CEP63: variants seen among roughly 807,000 people sequenced by gnomAD.
The protein encoded by CEP63 is centrosomal protein 63, also known as centrosomal protein of 63 kDa.
CEP63 carries 84 observed loss-of-function variants against 89.1 expected under a neutral mutation model. That is an observed-to-expected ratio of 0.94 (90% CI 0.79 to 1.13). The LOEUF is 1.13. Among genes scored for constraint, CEP63 ranks in the 50% most tolerant of loss-of-function variants. The probability of loss-of-function intolerance (pLI) is 0.00; values close to 1 mark genes in which losing one functional copy is unlikely to be tolerated. For missense variants in CEP63, 838 were observed against 813.3 expected, an observed-to-expected ratio of 1.03 and a Z score of -0.37; for synonymous variants, 267 against 272.5, an observed-to-expected ratio of 0.98 and a Z score of 0.20.
At chr3:134,577,285 G>T (rs1012812919), downstream of CEP63, among the ~76,000 whole-genome samples, 1 of 152,030 alleles carries the variant, frequency 6.6e-6, no homozygotes, top group South Asian at 2.1e-4. Flanking sequence ...GTGACCCTGG[G>T]TTAGGCAAAG....
chr3:134,489,399 T>G (rs1356030460), intron 1 of CEP63, among the ~76,000 whole-genome samples: 1 of 152,142 alleles, frequency 6.6e-6, no homozygotes, highest in Non-Finnish European at 1.5e-5. Context: ...GATAATTTCA[T>G]AGGTAATGCA....
chr3:134,523,459 T>C (rs575601394), intron 3 of CEP63, among the ~76,000 whole-genome samples: 2 of 152,304 alleles, frequency 1.3e-5, no homozygotes, highest in Non-Finnish European at 2.9e-5. Flanking sequence ...GTGAAATCTT[T>C]GTCTGTTTCC....
At chr3:134,515,314 G>A (rs1945977447) in intron 3 of CEP63, among the ~76,000 whole-genome samples, 1 of 152,140 alleles carries the variant, frequency 6.6e-6, no homozygotes, top group Admixed American at 6.5e-5. Flanking sequence ...GTAACAAGAT[G>A]AAAGCTTTAA....
chr3:134,582,718 G>T (rs1369326401), intron 10 of CEP63, among the ~76,000 whole-genome samples: 2 of 152,094 alleles, frequency 1.3e-5, no homozygotes, highest in African/African-American at 4.8e-5. Flanking sequence ...TGGGTCAAAT[G>T]GTATTTCTAG....
the CEP63 span, among the ~76,000 whole-genome samples, chr3:134,733,337 G>A: frequency 6.7e-6 from 1 of 149,804 alleles, no homozygotes; most frequent in Admixed American, 6.7e-5. Context: ...CCTGAGACAT[G>A]TATTAGTAAA....
intron 2 of CEP63, among the ~76,000 whole-genome samples, chr3:134,495,566 T>C (rs1396720127): frequency 1.3e-5 from 2 of 152,160 alleles, no homozygotes; most frequent in Non-Finnish European, 2.9e-5. Context: ...ATATAGTAAA[T>C]TTTTAAAGTT....
the CEP63 span, among the ~76,000 whole-genome samples, chr3:134,729,365 T>G: frequency 1.3e-5 from 2 of 152,210 alleles, no homozygotes; most frequent in African/African-American, 4.8e-5. Context: ...ACATACTGTT[T>G]CCCATCTTTC....
chr3:134,518,522 A>G (rs1030139161), intron 3 of CEP63, among the ~76,000 whole-genome samples: 4 of 152,226 alleles, frequency 2.6e-5, no homozygotes, highest in South Asian at 2.1e-4. Context: ...AAATTAAGCA[A>G]TACACTTCTA....
intron 1 of CEP63, among the ~76,000 whole-genome samples, chr3:134,493,536 G>GA (rs1371413288): frequency 6.6e-6 from 1 of 151,566 alleles, no homozygotes; most frequent in Admixed American, 6.6e-5. Flanking sequence ...AAACCAACTA[G>GA]AAAAAAAATC....
chr3:134,489,012 G>A (rs576018046), intron 1 of CEP63, among the ~76,000 whole-genome samples: 2 of 152,016 alleles, frequency 1.3e-5, no homozygotes, highest in South Asian at 2.1e-4. Context: ...AAAATTAGCC[G>A]GGCGTGGTGG....
the CEP63 span, among the ~76,000 whole-genome samples, chr3:134,686,798 A>G: frequency 6.6e-6 from 1 of 152,216 alleles, no homozygotes; most frequent in Admixed American, 6.5e-5. Context: ...GAGTAAAGCA[A>G]TATCATTGAC....
chr3:134,704,147 C>G, the CEP63 span, among the ~76,000 whole-genome samples: 1 of 152,220 alleles, frequency 6.6e-6, no homozygotes. Flanking sequence ...GTGTTTTAGT[C>G]TGAAATGCCT....
chr3:134,659,849 C>T, the CEP63 span, among the ~76,000 whole-genome samples: 10 of 152,216 alleles, frequency 6.6e-5, no homozygotes, highest in African/African-American at 2.4e-4. Flanking sequence ...GCAGGAGTTG[C>T]CCAGTGGCCT....
At chr3:134,760,417 T>C in the CEP63 span, among the ~76,000 whole-genome samples, 1 of 152,162 alleles carries the variant, frequency 6.6e-6, no homozygotes. Flanking sequence ...GGGACCTTTA[T>C]CTCCATTCTT....
Position 134,549,942 on chromosome 3 carries a change from A to G in CEP63, c.1183-121A>G, listed in dbSNP as rs934345431. 1.0e-5 allele frequency: 8 copies of G among 796,436 alleles called. No individual in the cohort carries two copies. In the African/African-American group the frequency reaches 1.4e-4, roughly 14 times the overall value. The allele number at this position is 796,436 out of a possible 1,614,324, so 49.3% of individuals were successfully genotyped here. Reference sequence around the variant, plus strand: ...AATTGCTAATTTTTCTGCAGATTTAATTTAAGAGAAATTTAATGTCTTGAG... The same window carrying G: ...AATTGCTAATTTTTCTGCAGATTTAGTTTAAGAGAAATTTAATGTCTTGAG... On this transcript the variant is annotated intron_variant, in intron 10 of 14. Coordinates refer to ENST00000675561, the MANE Select transcript of CEP63 (RefSeq NM_001353108.3).
chr3:134,748,425 TG>T, the CEP63 span, among the ~76,000 whole-genome samples: 1 of 151,994 alleles, frequency 6.6e-6, no homozygotes, highest in Non-Finnish European at 1.5e-5. Context: ...CTTGGAGTTT[TG>T]TTTTTTTTTT....
intron 3 of CEP63, among the ~76,000 whole-genome samples, chr3:134,528,249 C>A (rs1455308260): frequency 6.6e-6 from 1 of 152,114 alleles, no homozygotes; most frequent in African/African-American, 2.4e-5. Flanking sequence ...TCAGTGACCC[C>A]CTCTGAAGAT....
At chr3:134,716,835 A>T in the CEP63 span, among the ~76,000 whole-genome samples, 1 of 152,192 alleles carries the variant, frequency 6.6e-6, no homozygotes, top group African/African-American at 2.4e-5. Context: ...TTAGTTACTT[A>T]CAGGGAGAAT....
chr3:134,606,885 A>G, the CEP63 span: 1 of 978,928 alleles, frequency 1.0e-6, no homozygotes, highest in Non-Finnish European at 1.2e-6. Context: ...CCCCTTATCT[A>G]GGTGCCCTCT....
Sources: allele counts gnomAD v4.1 joint callset (sites outside exome capture counted in the v4.1 genomes callset), GRCh38; gene constraint gnomAD v4.1.1; transcripts MANE v1.5; gene names NCBI Gene and HGNC (gene_info 2026-07-23, HGNC 2026-07-21).